The following EEA1 variants were observed in gnomAD, a reference collection of about 807,000 sequenced individuals.
The protein encoded by EEA1 is early endosome antigen 1, 162kD.
EEA1 carries 111 observed loss-of-function variants against 209.2 expected under a neutral mutation model. The observed-to-expected ratio is 0.53, with a 90% CI of 0.45 to 0.62. The LOEUF (loss-of-function observed/expected upper bound fraction) is 0.62, where lower values mean the gene tolerates loss of function less well. EEA1 is among the 20% of genes least tolerant of loss of function. The pLI is 0.00. For missense variants in EEA1, 1,343 were observed against 1,530.8 expected (o/e 0.88, Z 2.05); for synonymous variants, 536 against 540.6 (o/e 0.99, Z 0.12).
At chr12:92,852,381 T>C (rs941950145) in intron 7 of EEA1, 85 bp from the exon 8 acceptor site, 42 of 819,546 alleles carry the variant, frequency 5.1e-5, no homozygotes, top group Non-Finnish European at 6.5e-5. Flanking sequence ...TATCTGTATA[T>C]CACTCTAATT....
chr12:92,852,108 GGTAT>G (rs1206620184), intron 8 of EEA1, 63 bp downstream of exon 8: 6 of 1,252,758 alleles, frequency 4.8e-6, no homozygotes, highest in African/African-American at 1.6e-5. Context: ...TTTCCTTCAG[GGTAT>G]GTATTTTATT....
intron 2 of EEA1, among the ~76,000 whole-genome samples, chr12:92,868,564 T>C (rs575706958): frequency 6.6e-6 from 1 of 152,322 alleles, no homozygotes; most frequent in African/African-American, 2.4e-5. Flanking sequence ...AGGTATGCCA[T>C]ACCTTCTTAC....
intron 12 of EEA1, among the ~76,000 whole-genome samples, chr12:92,827,027 C>A (rs1876339913): frequency 6.6e-6 from 1 of 151,986 alleles, no homozygotes; most frequent in Non-Finnish European, 1.5e-5. Flanking sequence ...AGAAGAAAAT[C>A]TATTGCTGAA....
intron 1 of EEA1, among the ~76,000 whole-genome samples, chr12:92,899,157 G>A (rs1880049003): frequency 6.6e-6 from 1 of 150,404 alleles, no homozygotes; most frequent in South Asian, 2.1e-4. Context: ...GAGAGGAGCT[G>A]GATATGAGGG....
At position 92,828,002 on chromosome 12, in the gene EEA1, C is replaced by T. The variant is rs758891123; in HGVS notation, c.1314G>A (p.Lys438=). 1.9e-6 allele frequency: 3 copies of T among 1,600,474 alleles called. No homozygotes were observed. The highest frequency in any genetic ancestry group is 1.7e-6 in the Non-Finnish European group (2 of 1,174,820). Residue 438 remains lysine (K), a synonymous_variant, in exon 12 of 29, where the codon AAG becomes AAA. Coordinates refer to ENST00000322349, the MANE Select transcript of EEA1 (RefSeq NM_003566.4). ...TTTCACTTGAAAGCTGTCTCTGTTC[C>T]TTCAGCCTACCATGAGCTTCCCCTA... ...RQLGEAHGRL[K]EQRQLSSEKL... is the part of the protein sequence containing the mutation.
rs1448794492 is a variant in EEA1, at chr12:92,771,245, T to C, written c.*4766A>G. 6.6e-6 allele frequency: 1 copy of C among 152,118 alleles called. No homozygotes were observed. Among genetic ancestry groups the C allele is most frequent in the African/African-American group, 2.4e-5 (1 of 41,442 alleles). The allele number at this position is 152,118 out of a possible 1,614,324, so 9.4% of individuals were successfully genotyped here. A position where few individuals can be genotyped will look rare whatever the true frequency, so the allele number is the denominator to read the frequency against. ...CAATTTGCAAAGTGAAAGTAGTAAATTTATCAAATTTGGCTGCAAGACAAC... is the reference window on the plus strand; with the variant it reads ...CAATTTGCAAAGTGAAAGTAGTAAACTTATCAAATTTGGCTGCAAGACAAC... On this transcript the variant is annotated 3_prime_UTR_variant, in exon 29 of 29. Coordinates refer to ENST00000322349, the MANE Select transcript of EEA1 (RefSeq NM_003566.4).
chr12:92,808,080 C>T (rs1308468161), intron 18 of EEA1, among the ~76,000 whole-genome samples: 1 of 151,910 alleles, frequency 6.6e-6, no homozygotes, highest in African/African-American at 2.4e-5. Flanking sequence ...GTGTGTTATG[C>T]CACACCAACT....
intron 1 of EEA1, among the ~76,000 whole-genome samples, chr12:92,921,750 A>T (rs185281960): frequency 2.9e-3 from 383 of 132,458 alleles, no homozygotes; most frequent in African/African-American, 9.9e-3. Context: ...AAAGTATAAT[A>T]AAAAAAAAGA....
intron 2 of EEA1, among the ~76,000 whole-genome samples, chr12:92,873,655 T>C (rs1446342764): frequency 6.6e-6 from 1 of 152,136 alleles, no homozygotes; most frequent in Non-Finnish European, 1.5e-5. Context: ...CAAGACAGGG[T>C]AGCAATTAAG....
intron 10 of EEA1, among the ~76,000 whole-genome samples, chr12:92,836,420 C>T (rs1174683149): frequency 2.6e-4 from 40 of 152,056 alleles, no homozygotes; most frequent in Non-Finnish European, 1.5e-5. Context: ...CTATATTACG[C>T]TCCATTTTTC....
chr12:92,922,274 T>A (rs186387755), intron 1 of EEA1, among the ~76,000 whole-genome samples: 1 of 152,274 alleles, frequency 6.6e-6, no homozygotes, highest in Admixed American at 6.5e-5. Context: ...TAATCTTACA[T>A]CTATTCCACC....
intron 11 of EEA1, 135 bp downstream of exon 11, chr12:92,832,377 T>C: frequency 1.2e-6 from 1 of 810,994 alleles, no homozygotes; most frequent in Non-Finnish European, 1.9e-6. Context: ...CACTACAGGA[T>C]ATAAAAGTTA....
At chr12:92,823,344 T>C (rs1431622721) in intron 13 of EEA1, among the ~76,000 whole-genome samples, 1 of 152,234 alleles carries the variant, frequency 6.6e-6, no homozygotes, top group Non-Finnish European at 1.5e-5. Context: ...AAGTAATCTC[T>C]AACTTACACT....
intron 1 of EEA1, among the ~76,000 whole-genome samples, chr12:92,904,240 C>T (rs560593715): frequency 2.0e-5 from 3 of 152,086 alleles, no homozygotes; most frequent in Non-Finnish European, 2.9e-5. Flanking sequence ...GGATTACAGG[C>T]GTGAGCCACC....
intron 1 of EEA1, among the ~76,000 whole-genome samples, chr12:92,914,578 C>A (rs1880695445): frequency 6.6e-6 from 1 of 152,086 alleles, no homozygotes; most frequent in Admixed American, 6.6e-5. Context: ...GTAATCCCAG[C>A]ACTTTGGAGG....
intron 21 of EEA1, among the ~76,000 whole-genome samples, chr12:92,790,609 A>G (rs1006086339): frequency 2.6e-5 from 4 of 152,210 alleles, no homozygotes; most frequent in Admixed American, 2.6e-4. Flanking sequence ...AGCCTCCAAG[A>G]AATATGGACT....
intron 21 of EEA1, among the ~76,000 whole-genome samples, chr12:92,792,790 C>T (rs1592704735): frequency 6.6e-6 from 1 of 152,298 alleles, no homozygotes; most frequent in South Asian, 2.1e-4. Flanking sequence ...ATGAGGCCAA[C>T]ATCATCCTGA....
chr12:92,864,608 T>C (rs1878291319), intron 3 of EEA1, among the ~76,000 whole-genome samples: 2 of 152,214 alleles, frequency 1.3e-5, no homozygotes, highest in Admixed American at 6.5e-5. Context: ...TAATTTAATC[T>C]TCTTTTGCTA....
At chr12:92,808,704 T>G (rs901967369) in intron 18 of EEA1, among the ~76,000 whole-genome samples, 3 of 152,298 alleles carry the variant, frequency 2.0e-5, no homozygotes, top group Admixed American at 1.3e-4. Context: ...AATTTTACAG[T>G]AATTTATTCA....
Sources: allele counts gnomAD v4.1 joint callset (sites outside exome capture counted in the v4.1 genomes callset), GRCh38; gene constraint gnomAD v4.1.1; transcripts MANE v1.5; gene names NCBI Gene and HGNC (gene_info 2026-07-23, HGNC 2026-07-21).